SCHIP1: variants seen among roughly 807,000 people sequenced by gnomAD.
SCHIP1 encodes schwannomin-interacting protein 1.
Under a neutral mutation model 29.7 loss-of-function variants are expected in SCHIP1, and 8 were observed. The ratio of observed to expected loss-of-function variants is 0.27; its 90% CI spans 0.16 to 0.49. SCHIP1 has a LOEUF of 0.49. Among genes scored for constraint, SCHIP1 ranks in the 20% least tolerant of loss-of-function variants. The pLI is 0.99. For missense variants in SCHIP1, 193 were observed against 294.6 expected (o/e 0.66, Z 2.52); for synonymous variants, 76 against 94.9 (o/e 0.80, Z 1.16).
chr3:159,508,363 CTTTA>C, the SCHIP1 span, among the ~76,000 whole-genome samples: 5 of 151,992 alleles, frequency 3.3e-5, no homozygotes, highest in Admixed American at 1.3e-4. Context: ...CTCTTTTCTT[CTTTA>C]TTTGTCTTGC....
chr3:159,770,769 TC>T, the SCHIP1 span, among the ~76,000 whole-genome samples: 450 of 152,246 alleles, frequency 3.0e-3, 1 homozygote, highest in Non-Finnish European at 5.2e-3. Flanking sequence ...CCAGGACACC[TC>T]CCTTCAGGTG....
chr3:159,498,340 T>A, the SCHIP1 span, among the ~76,000 whole-genome samples: 1 of 152,190 alleles, frequency 6.6e-6, no homozygotes, highest in Non-Finnish European at 1.5e-5. Flanking sequence ...ATGAAAAAGA[T>A]GCAAAAGAAG....
chr3:159,777,272 G>C, the SCHIP1 span, among the ~76,000 whole-genome samples: 514 of 152,320 alleles, frequency 3.4e-3, 1 homozygote, highest in African/African-American at 0.012. Context: ...TGTCTTACCT[G>C]AAATGAGGAT....
In SCHIP1 at chr3:159,867,990, T is replaced by TAAATCAATGATTTATATATATATATAA. The variant is rs1560089680; in HGVS notation, c.149+1733_149+1734insTAAAAATCAATGATTTATATATATATA. On this transcript the variant is annotated intron_variant, in intron 2 of 6. Coordinates refer to ENST00000445224, the Ensembl canonical transcript of SCHIP1. ...AATCAGTGATTTATATATATATATA[T>TAAATCAATGATTTATATATATATATAA]AAATCAATGATTTATATATATATAA... Among the ~76,000 whole-genome samples, 4 of 143,938 alleles carry TAAATCAATGATTTATATATATATATAA rather than the reference T, an allele frequency of 2.8e-5. No individual in the cohort carries two copies. In the East Asian group the frequency reaches 7.9e-4, roughly 28 times the overall value. The allele number at this position is 143,938 out of a possible 152,430, so 94.4% of individuals were successfully genotyped here. A position where few individuals can be genotyped will look rare whatever the true frequency, so the allele number is the denominator to read the frequency against.
chr3:159,287,827 C>T, the SCHIP1 span, among the ~76,000 whole-genome samples: 1 of 152,168 alleles, frequency 6.6e-6, no homozygotes, highest in Non-Finnish European at 1.5e-5. Flanking sequence ...TCTTAACTTC[C>T]ATGCTCTGAT....
chr3:159,823,746 C>T, the SCHIP1 span, among the ~76,000 whole-genome samples: 16 of 152,314 alleles, frequency 1.1e-4, no homozygotes, highest in African/African-American at 1.4e-4. Flanking sequence ...CATCTGCCCA[C>T]CTTTGACAGG....
At chr3:159,720,573 GT>G in the SCHIP1 span, among the ~76,000 whole-genome samples, 7 of 151,764 alleles carry the variant, frequency 4.6e-5, no homozygotes, top group South Asian at 8.3e-4. Context: ...TTTTGCTCTT[GT>G]TTTCTTTTTT....
At chr3:159,345,110 C>G in the SCHIP1 span, among the ~76,000 whole-genome samples, 1 of 151,736 alleles carries the variant, frequency 6.6e-6, no homozygotes, top group African/African-American at 2.4e-5. Context: ...TGCCTGTAAT[C>G]CCAGCTACTG....
the SCHIP1 span, among the ~76,000 whole-genome samples, chr3:159,520,453 A>G: frequency 6.6e-6 from 1 of 152,196 alleles, no homozygotes; most frequent in Non-Finnish European, 1.5e-5. Context: ...GACTGCTCAA[A>G]AAGCCAGATC....
At chr3:159,283,794 T>A in the SCHIP1 span, among the ~76,000 whole-genome samples, 1 of 152,238 alleles carries the variant, frequency 6.6e-6, no homozygotes, top group African/African-American at 2.4e-5. Flanking sequence ...CTAAATTGCC[T>A]CTTCCTTTCC....
chr3:159,366,783 G>A, the SCHIP1 span, among the ~76,000 whole-genome samples: 1 of 152,184 alleles, frequency 6.6e-6, no homozygotes, highest in Non-Finnish European at 1.5e-5. Flanking sequence ...AGTCCTGCCT[G>A]TAGATTGCAT....
At chr3:159,319,880 A>C in the SCHIP1 span, among the ~76,000 whole-genome samples, 1 of 152,300 alleles carries the variant, frequency 6.6e-6, no homozygotes, top group Non-Finnish European at 1.5e-5. Flanking sequence ...AGCACTTCAC[A>C]GATCTGCTCT....
the SCHIP1 span, chr3:159,386,955 T>A: frequency 1.3e-5 from 2 of 155,104 alleles, no homozygotes; most frequent in South Asian, 4.0e-4. Flanking sequence ...GCAGCCCTGA[T>A]CAAGGTGTAG....
intron 2 of SCHIP1, among the ~76,000 whole-genome samples, chr3:159,867,530 A>G (rs1036683363): frequency 6.6e-6 from 1 of 152,190 alleles, no homozygotes; most frequent in Admixed American, 6.5e-5. Flanking sequence ...GTACATCAAG[A>G]CAAGAGTGCC....
chr3:159,481,611 TG>T, the SCHIP1 span, among the ~76,000 whole-genome samples: 1 of 152,184 alleles, frequency 6.6e-6, no homozygotes, highest in East Asian at 1.9e-4. Flanking sequence ...CCCATTTTTC[TG>T]TAAGTGAGTT....
At chr3:159,772,979 G>T in the SCHIP1 span, among the ~76,000 whole-genome samples, 1 of 152,130 alleles carries the variant, frequency 6.6e-6, no homozygotes, top group Non-Finnish European at 1.5e-5. Flanking sequence ...GACCTCAAGT[G>T]ATCCGCCTGC....
chr3:159,427,832 G>A, the SCHIP1 span, among the ~76,000 whole-genome samples: 1 of 152,216 alleles, frequency 6.6e-6, no homozygotes, highest in South Asian at 2.1e-4. Context: ...GCATGGTACT[G>A]GTACCAAAAC....
chr3:159,425,238 C>T, the SCHIP1 span, among the ~76,000 whole-genome samples: 2 of 152,120 alleles, frequency 1.3e-5, no homozygotes, highest in African/African-American at 4.8e-5. Context: ...TTAAAAGACA[C>T]AGACTGGCAA....
the SCHIP1 span, among the ~76,000 whole-genome samples, chr3:159,337,432 G>A: frequency 6.6e-6 from 1 of 152,118 alleles, no homozygotes; most frequent in African/African-American, 2.4e-5. Flanking sequence ...TGACATGATT[G>A]TATATCCAGA....
Sources: gnomAD v4.1 joint callset for allele counts (sites outside exome capture counted in the v4.1 genomes callset) on GRCh38, gnomAD v4.1.1 for gene constraint, MANE v1.5 for transcripts, NCBI Gene and HGNC (gene_info 2026-07-23, HGNC 2026-07-21) for gene names.